Variants in USF2 observed in about 807,000 individuals in gnomAD.
USF2 encodes the protein upstream stimulatory factor 2.
In USF2, 16 loss-of-function variants were observed where a neutral mutation model predicts 46.9. The observed-to-expected ratio is 0.34, with a 90% CI of 0.23 to 0.52. USF2 has a LOEUF of 0.52. USF2 is among the 20% of genes least tolerant of loss of function. USF2 has a pLI of 0.96. For synonymous variants in USF2, 239 were observed against 194.1 expected (o/e 1.23, Z -1.92); for missense variants, 411 against 474.0 (o/e 0.87, Z 1.23).
At chr19:35,271,023 A>G (rs767299634) in intron 6 of USF2, 60 bp from the exon 7 acceptor site, 2 of 1,597,668 alleles carry the variant, frequency 1.3e-6, no homozygotes, top group Non-Finnish European at 1.7e-6. Flanking sequence ...TACTTAGCAG[A>G]TGCTTGGGCA....
chr19:35,279,606 C>T lies in USF2; in HGVS notation c.*350C>T. On this transcript the variant is annotated 3_prime_UTR_variant, in exon 10 of 10. Coordinates refer to ENST00000222305, the MANE Select transcript of USF2 (RefSeq NM_003367.4). Reference sequence around the variant, plus strand: ...TCTCTGGAGGTACTGAGACAGGGTGCTGATGGGAAGGAGGGGAGCCTTTGG... The same window carrying T: ...TCTCTGGAGGTACTGAGACAGGGTGTTGATGGGAAGGAGGGGAGCCTTTGG... 3.8e-6 allele frequency: 1 copy of T among 260,146 alleles called. No individual in the cohort carries two copies. The highest frequency in any genetic ancestry group is 7.2e-6 in the Non-Finnish European group (1 of 138,226). The allele number at this position is 260,146 out of a possible 1,614,324, so 16.1% of individuals were successfully genotyped here. A position where few individuals can be genotyped will look rare whatever the true frequency, so the allele number is the denominator to read the frequency against.
At chr19:35,269,302 C>G in intron 1 of USF2, 139 bp downstream of exon 1, 1 of 873,418 alleles carries the variant, frequency 1.1e-6, no homozygotes, top group Non-Finnish European at 1.4e-6. Context: ...GGGGACCTGG[C>G]GCCTCCCGCC....
Position 35,278,975 on chromosome 19 carries a change from C to T in USF2, c.852C>T (p.Cys284=), listed in dbSNP as rs375561000. ...ASKGGILSKA[C]DYIRELRQTN... ...AAGGAGGGATCCTGTCCAAGGCCTGCGATTACATCCGGGAGTTGCGCCAGA... is the reference window on the plus strand; with the variant it reads ...AAGGAGGGATCCTGTCCAAGGCCTGTGATTACATCCGGGAGTTGCGCCAGA... The change falls in exon 9 of 10, where the codon TGC becomes TGT. Residue 284 remains cysteine (C), a synonymous_variant. Transcript: ENST00000222305. 84 of 1,553,148 alleles carry T rather than the reference C, an allele frequency of 5.4e-5. No homozygotes were observed. The highest frequency in any genetic ancestry group is 1.2e-4 in the South Asian group (10 of 81,696).
rs774035837 is a variant in USF2, at chr19:35,270,553, C to T, written c.536C>T (p.Thr179Met). ...YFPASSVGDT[T>M]AVSVQTTDQS... ...CCAGCGTCCAGTGTGGGAGATACTA[C>T]GGCTGTGTCCGTACAGACCACAGAC... The change falls in exon 5 of 10, where the codon ACG becomes ATG. Residue 179 changes from threonine to methionine, a missense_variant. Physicochemically the swap from Thr to Met is moderately conservative, Grantham distance 81. This residue lies in a region of USF2 where 318 missense variants were observed against 322.4 expected (regional missense o/e 0.99). Transcript: ENST00000222305. The T allele has an allele frequency of 6.2e-7, 1 of 1,614,156 alleles. No homozygotes were observed. The highest frequency in any genetic ancestry group is 1.1e-5 in the South Asian group (1 of 91,084).
rs765909692 is a variant in USF2 at position 35,269,991 on chromosome 19, G to C, written c.417G>C (p.Ala139=). ...AAASVPPGPA[A]PFPLAVIQNP... is the part of the protein sequence containing the mutation. ...CCTCTGTGCCCCCAGGTCCTGCAGC[G>C]CCCTTCCCGCTGGTAGGTGCCCTGC... Residue 139 remains alanine (A), a synonymous_variant, in exon 4 of 10, where the codon GCG becomes GCC. Transcript: ENST00000222305. 1 of 1,340,606 alleles carries C rather than the reference G, an allele frequency of 7.5e-7. No individual in the cohort carries two copies. Among genetic ancestry groups the C allele is most frequent in the African/African-American group, 1.5e-5 (1 of 65,040 alleles). 83.0% of individuals were successfully genotyped at this position (1,340,606 alleles called of 1,614,324 possible).
At chr19:35,278,539 G>A (rs2066265545) in intron 7 of USF2, 159 bp from the exon 8 acceptor site, 5 of 712,894 alleles carry the variant, frequency 7.0e-6, no homozygotes, top group Admixed American at 2.4e-5. Context: ...GGTGGGGGCC[G>A]GCTGGGCTCA....
intron 7 of USF2, among the ~76,000 whole-genome samples, chr19:35,274,356 TCTG>T (rs2066202350): frequency 6.6e-6 from 1 of 152,184 alleles, no homozygotes. Flanking sequence ...AAGTTTCTCT[TCTG>T]TGGTGATTTC....
chr19:35,270,128 C>A, intron 4 of USF2, 125 bp downstream of exon 4: 1 of 1,130,466 alleles, frequency 8.8e-7, no homozygotes, highest in Non-Finnish European at 1.2e-6. Context: ...AGGCCTCAGG[C>A]TGCATGGGGC....
chr19:35,270,878 G>A lies in USF2; in HGVS notation c.668+73G>A, dbSNP rs2145570962. ...GAGGGGTTTCTGGAGTAGAAGCTGGGCAGTTAGCATGAAGTGGGCACATGG... is the reference window on the plus strand; with the variant it reads ...GAGGGGTTTCTGGAGTAGAAGCTGGACAGTTAGCATGAAGTGGGCACATGG... On this transcript the variant is annotated intron_variant, in intron 6 of 9. Coordinates refer to ENST00000222305, the MANE Select transcript of USF2 (RefSeq NM_003367.4). The A allele has an allele frequency of 1.9e-6, 3 of 1,583,112 alleles. No homozygotes were observed. The South Asian group carries it at 3.3e-5, about 18-fold the overall frequency.
At chr19:35,269,218 C>G in intron 1 of USF2, 55 bp downstream of exon 1, 2 of 970,002 alleles carry the variant, frequency 2.1e-6, no homozygotes, top group Non-Finnish European at 2.4e-6. Context: ...CCCGGCCCCG[C>G]GGCCTGCAGG....
At chr19:35,271,045 G>C (rs769782727) in intron 6 of USF2, 38 bp from the exon 7 acceptor site, 3 of 1,611,756 alleles carry the variant, frequency 1.9e-6, no homozygotes, top group Non-Finnish European at 2.5e-6. Context: ...ACAGCTCTGC[G>C]ATAATACATG....
In USF2 at chr19:35,279,464, C is replaced by T. The variant is rs2066281294; in HGVS notation, c.*208C>T. 4 of 565,180 alleles carry T rather than the reference C, an allele frequency of 7.1e-6. No individual in the cohort carries two copies. Among genetic ancestry groups the T allele is most frequent in the Non-Finnish European group, 1.2e-5 (4 of 339,976 alleles). 35.0% of individuals were successfully genotyped at this position (565,180 alleles called of 1,614,324 possible). On this transcript the variant is annotated 3_prime_UTR_variant, in exon 10 of 10. Coordinates refer to ENST00000222305, the MANE Select transcript of USF2 (RefSeq NM_003367.4). ...ACTTGGAAACGGTATCCTCCCTGCC[C>T]ATCCGTCTGTCTGTCGCCCTTCTCC...
intron 3 of USF2, 47 bp from the exon 4 acceptor site, chr19:35,269,756 C>T: frequency 6.8e-7 from 1 of 1,478,236 alleles, no homozygotes; most frequent in Non-Finnish European, 8.9e-7. Flanking sequence ...CGGGAAGGCT[C>T]GGACCTGGCC....
intron 7 of USF2, chr19:35,275,199 G>C (rs1205450914): frequency 6.6e-6 from 1 of 152,024 alleles, no homozygotes; most frequent in East Asian, 1.9e-4. Flanking sequence ...GGTGCCCGCT[G>C]CCACACCTAG....
chr19:35,270,550 C>A lies in USF2; in HGVS notation c.533C>A (p.Thr178Asn), dbSNP rs749219730. Residue 178 changes from threonine to asparagine, a missense_variant, in exon 5 of 10, where the codon ACT (threonine) becomes AAT (asparagine). By Grantham distance (65) the Thr-to-Asn change is moderately conservative. Transcript: ENST00000222305. ...AYFPASSVGD[T>N]TAVSVQTTDQ... is the part of the protein sequence containing the mutation. ...TTCCCAGCGTCCAGTGTGGGAGATA[C>A]TACGGCTGTGTCCGTACAGACCACA... 1.2e-5 allele frequency: 20 copies of A among 1,614,166 alleles called. No individual in the cohort carries two copies. The East Asian group carries it at 4.2e-4, about 34-fold the overall frequency.
intron 7 of USF2, chr19:35,275,058 G>A (rs1275053728): frequency 6.6e-6 from 1 of 152,034 alleles, no homozygotes. Flanking sequence ...TTGGTTTTTT[G>A]TTTGTTTGTT....
rs769726179 is a variant in USF2 at position 35,270,458 on chromosome 19, A to T, written c.441A>T (p.Gln147His). ...PAAPFPLAVI[Q>H]NPFSNGGSPA... ...CTCCTACTCCCCAGGCTGTGATCCA[A>T]AATCCCTTCAGCAATGGTGGCAGTC... The change falls in exon 5 of 10, where the codon CAA becomes CAT. Residue 147 changes from glutamine (Q) to histidine (H), a missense_variant. Transcript: ENST00000222305. 2 of 1,613,266 alleles carry T rather than the reference A, an allele frequency of 1.2e-6. No individual in the cohort carries two copies. Among genetic ancestry groups the T allele is most frequent in the Non-Finnish European group, 1.7e-6 (2 of 1,179,796 alleles).
chr19:35,269,315 C>T, intron 1 of USF2, 131 bp from the exon 2 acceptor site: 1 of 893,534 alleles, frequency 1.1e-6, no homozygotes, highest in Non-Finnish European at 1.3e-6. Flanking sequence ...CTCCCGCCCC[C>T]GGCCCCCGGC....
In USF2 at chr19:35,270,664, C is replaced by T. The variant is rs2066139536; in HGVS notation, c.581-54C>T. 5 of 1,612,218 alleles carry T rather than the reference C, an allele frequency of 3.1e-6. No homozygotes were observed. The East Asian group carries it at 6.7e-5, about 22-fold the overall frequency. The stretch of plus-strand genomic sequence containing the variant: ...GGCCCAGCAGGGAGGGAAGCCCCCC[C>T]AGCCAGTTCTGACTTCACCCTGCCT... On this transcript the variant is annotated intron_variant, in intron 5 of 9. Coordinates refer to ENST00000222305, the MANE Select transcript of USF2 (RefSeq NM_003367.4).
Sources: gnomAD v4.1 joint callset for allele counts (sites outside exome capture counted in the v4.1 genomes callset) on GRCh38, gnomAD v4.1.1 for gene constraint, gnomAD v4.1.1 regional missense constraint, MANE v1.5 for transcripts, NCBI Gene and HGNC (gene_info 2026-07-23, HGNC 2026-07-21) for gene names.